The following ECPAS variants were observed in gnomAD, a reference collection of about 807,000 sequenced individuals.
ECPAS encodes the protein Ecm29 proteasome adaptor and scaffold.
ECPAS carries 70 observed loss-of-function variants against 255.1 expected under a neutral mutation model. That is an observed-to-expected ratio of 0.27 (90% confidence interval 0.23 to 0.33). The LOEUF is 0.33. Ranked by LOEUF, ECPAS falls within the 10% of genes least tolerant of loss-of-function variation. The probability of loss-of-function intolerance (pLI) is 1.00; values close to 1 mark genes in which losing one functional copy is unlikely to be tolerated. For missense variants in ECPAS, 1,817 were observed against 2,206.4 expected (o/e 0.82, Z 3.54); for synonymous variants, 784 against 775.0 (o/e 1.01, Z -0.19).
intron 3 of ECPAS, among the ~76,000 whole-genome samples, chr9:111,450,315 A>G (rs1160451041): frequency 4.6e-5 from 7 of 152,224 alleles, no homozygotes; most frequent in African/African-American, 1.7e-4. Flanking sequence ...GACATAATCA[A>G]ATGCACGTCT....
At chr9:111,398,199 A>G (rs60381031) in intron 24 of ECPAS, among the ~76,000 whole-genome samples, 18,432 of 152,224 alleles carry the variant, frequency 0.12, 1,373 homozygotes, top group East Asian at 0.33. Flanking sequence ...TAATGCCACA[A>G]GCTTCCTAGT....
intron 4 of ECPAS, 67 bp from the exon 5 acceptor site, chr9:111,442,491 G>A (rs1371081311): frequency 1.0e-6 from 1 of 967,946 alleles, no homozygotes; most frequent in South Asian, 1.4e-5. Flanking sequence ...GAAAATATAT[G>A]ATTGATAACT....
At chr9:111,478,352 C>T (rs936793373) in intron 1 of ECPAS, among the ~76,000 whole-genome samples, 20 of 151,834 alleles carry the variant, frequency 1.3e-4, no homozygotes, top group African/African-American at 4.8e-4. Context: ...CATGGTGAAA[C>T]CCCGTCTCTA....
chr9:111,398,038 G>T (rs2098170212), intron 24 of ECPAS, among the ~76,000 whole-genome samples: 1 of 152,142 alleles, frequency 6.6e-6, no homozygotes, highest in Non-Finnish European at 1.5e-5. Flanking sequence ...CTGTGAACCG[G>T]AAGAAATTTA....
chr9:111,404,502 TGACTGGATCTTGGGGGTG>T (rs2098180981), intron 24 of ECPAS, among the ~76,000 whole-genome samples: 1 of 145,980 alleles, frequency 6.9e-6, no homozygotes, highest in African/African-American at 2.6e-5. Flanking sequence ...GGTGGGGGGG[TGACTGGATCTTGGGGGTG>T]GACTTCCCCC....
intron 35 of ECPAS, among the ~76,000 whole-genome samples, chr9:111,379,359 G>A (rs1449186456): frequency 6.6e-6 from 1 of 152,210 alleles, no homozygotes; most frequent in Non-Finnish European, 1.5e-5. Context: ...TATTAAGTGT[G>A]CAATAGCATT....
At chr9:111,395,259 A>G (rs376640455) in intron 25 of ECPAS, among the ~76,000 whole-genome samples, 3 of 152,166 alleles carry the variant, frequency 2.0e-5, no homozygotes, top group African/African-American at 7.2e-5. Flanking sequence ...CTAGATTCCC[A>G]TAACATGCCC....
chr9:111,416,402 A>G, intron 17 of ECPAS, 50 bp from the exon 18 acceptor site: 7 of 1,355,200 alleles, frequency 5.2e-6, no homozygotes, highest in Non-Finnish European at 7.4e-6. Context: ...AATGAAGCAT[A>G]CCTGCCCTTC....
chr9:111,475,605 C>T (rs1256826073), intron 1 of ECPAS, among the ~76,000 whole-genome samples: 1 of 151,960 alleles, frequency 6.6e-6, no homozygotes, highest in Non-Finnish European at 1.5e-5. Flanking sequence ...TGTGATGGTG[C>T]ACGCCTTGTA....
chr9:111,366,071 C>A, intron 48 of ECPAS, 168 bp downstream of exon 48: 2 of 536,540 alleles, frequency 3.7e-6, no homozygotes, highest in Non-Finnish European at 6.6e-6. Context: ...GTTATAGTTC[C>A]AGATTTAAAT....
Position 111,400,350 on chromosome 9 carries a change from C to T in ECPAS, c.2653-3197G>A, listed in dbSNP as rs1160276111. ...GGAATAAATATTTAACTCTTCAATG[C>T]CCAAACACTGACGAATGTTCACAAG... On this transcript the variant is annotated intron_variant, in intron 24 of 49. Transcript: ENST00000684092. Among the ~76,000 whole-genome samples the T allele has an allele frequency of 2.6e-5, 4 of 152,268 alleles. No homozygotes were observed. In the East Asian group the frequency reaches 7.7e-4, roughly 29 times the overall value.
chr9:111,444,550 A>C (rs2098250255), intron 3 of ECPAS, 56 bp from the exon 4 acceptor site: 1 of 1,162,658 alleles, frequency 8.6e-7, no homozygotes, highest in African/African-American at 1.5e-5. Flanking sequence ...AAAACCACTC[A>C]TCTTAAAATT....
chr9:111,430,900 T>C (rs541297978), intron 8 of ECPAS, among the ~76,000 whole-genome samples: 2 of 152,302 alleles, frequency 1.3e-5, no homozygotes, highest in African/African-American at 4.8e-5. Context: ...ACAAGAACAC[T>C]GGACACTGTT....
chr9:111,432,738 G>T (rs1023885973), intron 8 of ECPAS, among the ~76,000 whole-genome samples: 2 of 151,806 alleles, frequency 1.3e-5, no homozygotes, highest in African/African-American at 4.8e-5. Flanking sequence ...ATTTTTCATT[G>T]ACTTTATTTC....
intron 49 of ECPAS, among the ~76,000 whole-genome samples, chr9:111,363,107 T>TCCCC (rs3837271): frequency 6.8e-6 from 1 of 146,754 alleles, no homozygotes; most frequent in Non-Finnish European, 1.5e-5. Flanking sequence ...TGCTAACAGT[T>TCCCC]CCCCCCCACC....
At position 111,484,327 on chromosome 9, in the gene ECPAS, C is replaced by T. The variant is rs778541307; in HGVS notation, c.-294G>A. The T allele has an allele frequency of 2.4e-5, 38 of 1,599,990 alleles. No individual in the cohort carries two copies. In the African/African-American group the frequency reaches 3.8e-4, roughly 16 times the overall value. ...CCTTTTCCGAGGTCTGCGGCTGTCA[C>T]GTTGGCTGGGCCCGACCTGGGGAAA... On this transcript the variant is annotated 5_prime_UTR_variant, in exon 1 of 50. The change creates a new upstream start codon in the 5' untranslated region. Transcript: ENST00000684092.
intron 2 of ECPAS, among the ~76,000 whole-genome samples, chr9:111,463,190 G>C (rs188364143): frequency 3.3e-5 from 5 of 152,184 alleles, no homozygotes; most frequent in African/African-American, 7.2e-5. Flanking sequence ...ACAGTCGGCT[G>C]ATAGAGCCAA....
At chr9:111,401,247 C>T (rs951511548) in intron 24 of ECPAS, among the ~76,000 whole-genome samples, 4 of 152,132 alleles carry the variant, frequency 2.6e-5, no homozygotes, top group Non-Finnish European at 5.9e-5. Flanking sequence ...CCCTAAGTGT[C>T]GGTTGGTCTG....
chr9:111,478,990 T>G (rs1316800381), intron 1 of ECPAS, among the ~76,000 whole-genome samples: 1 of 152,150 alleles, frequency 6.6e-6, no homozygotes, highest in Non-Finnish European at 1.5e-5. Flanking sequence ...TCATACACAC[T>G]CTGACTATGG....
Sources: gnomAD v4.1 joint callset for allele counts (sites outside exome capture counted in the v4.1 genomes callset) on GRCh38, gnomAD v4.1.1 for gene constraint, MANE v1.5 for transcripts, NCBI Gene and HGNC (gene_info 2026-07-23, HGNC 2026-07-21) for gene names.